The following CNTN6 variants were observed in gnomAD, a reference collection of about 807,000 sequenced individuals.
CNTN6 encodes contactin 6, also known as contactin-6.
Under a neutral mutation model 122.8 loss-of-function variants are expected in CNTN6, and 137 were observed. That is an observed-to-expected ratio of 1.12 (90% CI 0.97 to 1.29). The LOEUF is 1.29. CNTN6 is among the 50% of genes most tolerant of loss of function. CNTN6 has a pLI of 0.00. For missense variants in CNTN6, 1,634 were observed against 1,223.4 expected, an observed-to-expected ratio of 1.34 and a Z score of -5.01; for synonymous variants, 570 against 426.0, an observed-to-expected ratio of 1.34 and a Z score of -4.16.
intron 4 of CNTN6, among the ~76,000 whole-genome samples, chr3:1,252,463 T>C (rs2094686589): frequency 6.6e-6 from 1 of 152,232 alleles, no homozygotes; most frequent in Admixed American, 6.5e-5. Flanking sequence ...TAGATTCTTC[T>C]AAAATTTTTT....
intron 4 of CNTN6, among the ~76,000 whole-genome samples, chr3:1,241,136 T>A (rs1379055199): frequency 6.6e-6 from 1 of 151,170 alleles, no homozygotes; most frequent in Non-Finnish European, 1.5e-5. Context: ...TTAAGGCTGT[T>A]TTTACTTCTT....
chr3:1,325,785 C>T (rs1701450713), intron 8 of CNTN6, 30 bp from the exon 9 acceptor site: 2 of 1,604,184 alleles, frequency 1.2e-6, no homozygotes, highest in Non-Finnish European at 1.7e-6. Context: ...TGCCTTTTAC[C>T]AAACAGTGGC....
In CNTN6 at chr3:1,312,559, A is replaced by T. The variant is rs895194479; in HGVS notation, c.762-9091A>T. On this transcript the variant is annotated intron_variant, in intron 7 of 22. Transcript: ENST00000446702. ...TAAGCTTCTACTCAAATTTGGAGGC[A>T]TCTCAATATGTTTTAAAAAGATAGT... 3.3e-5 allele frequency among the ~76,000 whole-genome samples: 5 copies of T among 151,404 alleles called. No individual in the cohort carries two copies. The Admixed American group carries it at 3.3e-4, about 10-fold the overall frequency.
intron 4 of CNTN6, among the ~76,000 whole-genome samples, chr3:1,252,335 C>T (rs904958372): frequency 1.1e-4 from 17 of 152,198 alleles, no homozygotes; most frequent in African/African-American, 3.6e-4. Context: ...CTTTTTTCTG[C>T]TTAGTAGTTA....
intron 20 of CNTN6, among the ~76,000 whole-genome samples, chr3:1,397,770 A>C (rs573460720): frequency 6.6e-6 from 1 of 152,240 alleles, no homozygotes; most frequent in African/African-American, 2.4e-5. Context: ...CTTGCTGCAA[A>C]TATGCAATCA....
intron 1 of CNTN6, among the ~76,000 whole-genome samples, chr3:1,119,354 G>GTGTGTGTGTGTGTGTGTGT (rs1339996215): frequency 2.4e-3 from 21 of 8,816 alleles, no homozygotes; most frequent in Admixed American, 2.6e-3. Context: ...TGTGTGTGTG[G>GTGTGTGTGTGTGTGTGTGT]AGAATGTCTC....
At chr3:1,362,651 G>C (rs1042658708) in intron 12 of CNTN6, among the ~76,000 whole-genome samples, 1 of 151,958 alleles carries the variant, frequency 6.6e-6, no homozygotes, top group Non-Finnish European at 1.5e-5. Context: ...AGTATCATAA[G>C]GAAAATATGG....
rs748482147 is a variant in CNTN6, at chr3:1,297,890, T to C, written c.660T>C (p.Gly220=). 1 of 1,608,324 alleles carries C rather than the reference T, an allele frequency of 6.2e-7. No homozygotes were observed. The highest frequency in any genetic ancestry group is 8.5e-7 in the Non-Finnish European group (1 of 1,176,242). The change falls in exon 7 of 23, where the codon GGT becomes GGC. Residue 220 remains glycine (G), a splice_region_variant and synonymous_variant. Transcript: ENST00000446702. ...GCTAGCTCTTTTGATATTTAACAGG[T>C]GTGATGGGGGAATATGAACCAAAGA... ...PPTPLVQRTD[G]VMGEYEPKIE... is the part of the protein sequence containing the mutation.
chr3:1,122,231 C>T (rs2091974259), intron 1 of CNTN6, among the ~76,000 whole-genome samples: 2 of 151,086 alleles, frequency 1.3e-5, no homozygotes, highest in South Asian at 2.1e-4. Context: ...CAGTATGACC[C>T]CAACCTTGCA....
In CNTN6 at chr3:1,356,985, T is replaced by C. The variant is rs1368108209; in HGVS notation, c.1492+4534T>C. ...TTAAGCAAGCCCACTAAGATCAATG[T>C]TGTCTTGGTCTTCATGAAAATTTAG... On this transcript the variant is annotated intron_variant, in intron 12 of 22. Transcript: ENST00000446702. 2.0e-5 allele frequency among the ~76,000 whole-genome samples: 3 copies of C among 152,036 alleles called. No individual in the cohort carries two copies. In the East Asian group the frequency reaches 5.8e-4, roughly 29 times the overall value.
intron 4 of CNTN6, among the ~76,000 whole-genome samples, chr3:1,234,370 TC>T (rs775396564): frequency 2.0e-5 from 3 of 152,184 alleles, no homozygotes; most frequent in South Asian, 2.1e-4. Flanking sequence ...TATTTTTATT[TC>T]TATCTTTTGA....
At chr3:1,240,237 C>T (rs963965350) in intron 4 of CNTN6, among the ~76,000 whole-genome samples, 1 of 152,036 alleles carries the variant, frequency 6.6e-6, no homozygotes, top group African/African-American at 2.4e-5. Context: ...TACAGACAAC[C>T]CACAGAGTGG....
intron 2 of CNTN6, among the ~76,000 whole-genome samples, chr3:1,214,457 C>T (rs543537254): frequency 1.5e-4 from 23 of 151,146 alleles, no homozygotes; most frequent in Non-Finnish European, 2.7e-4. Flanking sequence ...TACAGGCGCC[C>T]ACCACCACGC....
chr3:1,198,761 G>A (rs1289525400), intron 2 of CNTN6, among the ~76,000 whole-genome samples: 3 of 151,966 alleles, frequency 2.0e-5, no homozygotes, highest in African/African-American at 7.2e-5. Context: ...AAAAAATGCT[G>A]AGCTACAACA....
chr3:1,095,339 C>T (rs1256815609), intron 1 of CNTN6, among the ~76,000 whole-genome samples: 3 of 152,152 alleles, frequency 2.0e-5, no homozygotes, highest in African/African-American at 4.8e-5. Flanking sequence ...GGCGTTTTGG[C>T]GTGTGCCTGT....
chr3:1,117,525 C>G (rs1281245833), intron 1 of CNTN6, among the ~76,000 whole-genome samples: 1 of 152,104 alleles, frequency 6.6e-6, no homozygotes, highest in Non-Finnish European at 1.5e-5. Context: ...CATCTCTAAG[C>G]TTTTGTATCA....
intron 2 of CNTN6, among the ~76,000 whole-genome samples, chr3:1,161,873 A>G (rs1460366851): frequency 1.3e-5 from 2 of 152,074 alleles, no homozygotes; most frequent in South Asian, 2.1e-4. Context: ...ATTACACTAA[A>G]TGATATTGTA....
chr3:1,165,686 C>G (rs952755366), intron 2 of CNTN6, among the ~76,000 whole-genome samples: 1 of 152,040 alleles, frequency 6.6e-6, no homozygotes, highest in Non-Finnish European at 1.5e-5. Flanking sequence ...TCTATATTAC[C>G]CAGGCAATAA....
rs375569813 is a variant in CNTN6 at position 1,151,416 on chromosome 3, A to G, written c.55+3353A>G. On this transcript the variant is annotated intron_variant, in intron 2 of 22. Transcript: ENST00000446702. ...GCCAGTGTGTATTAAAGTTACAGTC[A>G]TAAGTTTCTAGAAATAGAATTGTAA... 2.9e-4 allele frequency among the ~76,000 whole-genome samples: 44 copies of G among 152,230 alleles called. No homozygotes were observed. In the East Asian group the frequency reaches 4.6e-3, roughly 16 times the overall value.
Sources: gnomAD v4.1 joint callset for allele counts (sites outside exome capture counted in the v4.1 genomes callset) on GRCh38, gnomAD v4.1.1 for gene constraint, MANE v1.5 for transcripts, NCBI Gene and HGNC (gene_info 2026-07-23, HGNC 2026-07-21) for gene names.